PHF12: variants seen among roughly 807,000 people sequenced by gnomAD.
PHF12 encodes the protein PHD factor 1.
A neutral mutation model predicts 99.8 loss-of-function variants in PHF12; 6 were observed. The observed-to-expected ratio is 0.06, with a 90% CI of 0.03 to 0.12. The LOEUF (loss-of-function observed/expected upper bound fraction) is 0.12, where lower values mean the gene tolerates loss of function less well. Ranked by LOEUF, PHF12 falls within the 10% of genes least tolerant of loss-of-function variation. The probability of loss-of-function intolerance (pLI) is 1.00; values close to 1 mark genes in which losing one functional copy is unlikely to be tolerated. For synonymous variants in PHF12, 480 were observed against 514.9 expected (o/e 0.93, Z 0.92); for missense variants, 954 against 1,300.1 (o/e 0.73, Z 4.09).
intron 2 of PHF12, among the ~76,000 whole-genome samples, chr17:28,943,051 A>G (rs1008708544): frequency 6.6e-6 from 1 of 152,172 alleles, no homozygotes; most frequent in South Asian, 2.1e-4. Context: ...CAATAACCAC[A>G]TGAAAAAAAG....
In PHF12 at chr17:28,927,093, A is replaced by C. The variant is rs766772973; in HGVS notation, c.249-30T>G. The C allele has an allele frequency of 3.8e-6, 6 of 1,587,794 alleles. No homozygotes were observed. In the South Asian group the frequency reaches 6.6e-5, roughly 18 times the overall value. ...GGGGAACAGACAAGGGCAAGACTAA[A>C]TAACTAGCCCTTTGAGGCAGTAGGA... On this transcript the variant is annotated intron_variant, in intron 2 of 14. Coordinates refer to ENST00000332830, the MANE Select transcript of PHF12 (RefSeq NM_001033561.2).
intron 7 of PHF12, among the ~76,000 whole-genome samples, chr17:28,914,767 T>C (rs2040033755): frequency 6.7e-6 from 1 of 150,098 alleles, no homozygotes; most frequent in Non-Finnish European, 1.5e-5. Context: ...CATCCATTCA[T>C]TCATGACTCA....
rs35263191 is a variant in PHF12 at position 28,923,653 on chromosome 17, C to CAAAAAAAAA, written c.715+247_715+255dup. Reference sequence around the variant, plus strand: ...AGCCTGAGTGACAAAGTGAGACTCACAAAAAAAAAAAAAAAAAAAAAAGGA... The same window carrying CAAAAAAAAA: ...AGCCTGAGTGACAAAGTGAGACTCACAAAAAAAAAAAAAAAAAAAAAAAAAAAAAAAGGA... On this transcript the variant is annotated intron_variant, in intron 4 of 14. Coordinates refer to ENST00000332830, the MANE Select transcript of PHF12 (RefSeq NM_001033561.2). Among the ~76,000 whole-genome samples the CAAAAAAAAA allele has an allele frequency of 1.2e-3, 50 of 43,478 alleles. 4 individuals carry two copies. Among genetic ancestry groups the CAAAAAAAAA allele is most frequent in the African/African-American group, 3.5e-3 (36 of 10,376 alleles). The allele number at this position is 43,478 out of a possible 152,430, so 28.5% of individuals were successfully genotyped here. A position where few individuals can be genotyped will look rare whatever the true frequency, so the allele number is the denominator to read the frequency against.
intron 2 of PHF12, among the ~76,000 whole-genome samples, chr17:28,942,294 C>T (rs990111928): frequency 2.6e-5 from 4 of 151,992 alleles, no homozygotes; most frequent in Non-Finnish European, 4.4e-5. Context: ...GCAGGAGGAT[C>T]GGTTGAGGCC....
At position 28,950,905 on chromosome 17, in the gene PHF12, C is replaced by G. The variant is rs982879830; in HGVS notation, c.56G>C (p.Gly19Ala). The G allele has an allele frequency of 6.2e-7, 1 of 1,613,452 alleles. No homozygotes were observed. The highest frequency in any genetic ancestry group is 8.5e-7 in the Non-Finnish European group (1 of 1,179,726). ...GAGGGCCACTCTTACCTCCATCAGC[C>G]CCCCTGATGTGTCCAAGTCGTACAC... ...TIVYDLDTSG[G>A]LMEQIQALLA... Residue 19 changes from glycine to alanine, a missense_variant, in exon 1 of 15, where the codon GGG (glycine) becomes GCG (alanine). Around this residue, in one of 8 missense-constraint regions of PHF12, gnomAD observed 66 missense variants for 69.4 expected, o/e 0.95. Transcript: ENST00000332830. This position sits in a 1 kb window ranked among gnomAD's most constrained non-coding sequence, Gnocchi z 5.7.
chr17:28,908,153 T>A (rs555365501), intron 12 of PHF12: 1 of 163,082 alleles, frequency 6.1e-6, no homozygotes, highest in African/African-American at 2.4e-5. Flanking sequence ...TGTGAGTCTA[T>A]CACTCTTTCA....
At chr17:28,933,813 T>A (rs1051464995) in intron 2 of PHF12, among the ~76,000 whole-genome samples, 2 of 152,076 alleles carry the variant, frequency 1.3e-5, no homozygotes, top group African/African-American at 2.4e-5. Flanking sequence ...TTTGGGAGGC[T>A]AAGGTGGGAG....
rs773044280 is a variant in PHF12 at position 28,906,202 on chromosome 17, C to G, written c.2996G>C (p.Arg999Pro). ...SLKPHQGPVL[R>P]SNSVP ...CCAGTCCTAAGGAACAGAGTTGGAGCGCAGCACAGGGCCCTGGTGGGGCTT... is the reference window on the plus strand; with the variant it reads ...CCAGTCCTAAGGAACAGAGTTGGAGGGCAGCACAGGGCCCTGGTGGGGCTT... The change falls in exon 15 of 15, where the codon CGC becomes CCC. Residue 999 changes from arginine (R) to proline (P), a missense_variant. Coordinates refer to ENST00000332830, the MANE Select transcript of PHF12 (RefSeq NM_001033561.2). This position sits in a 1 kb window ranked among gnomAD's most constrained non-coding sequence, Gnocchi z 4.2. 2 of 1,598,996 alleles carry G rather than the reference C, an allele frequency of 1.3e-6. No homozygotes were observed. The highest frequency in any genetic ancestry group is 3.4e-5 in the Admixed American group (2 of 59,528).
rs557687924 is a variant in PHF12 at position 28,934,686 on chromosome 17, C to CTGT, written c.249-7624_249-7623insACA. On this transcript the variant is annotated intron_variant, in intron 2 of 14. Transcript: ENST00000332830. ...AGCGCAATGGTGCGATCTCTGCTCA[C>CTGT]TGCAACCTCTGCCTCCCGAGTTCAA... is the stretch of plus-strand genomic sequence containing the variant. Among the ~76,000 whole-genome samples, 22 of 149,980 alleles carry CTGT rather than the reference C, an allele frequency of 1.5e-4. No individual in the cohort carries two copies. In the South Asian group the frequency reaches 4.6e-3, roughly 32 times the overall value.
At chr17:28,939,436 T>A (rs2040572434) in intron 2 of PHF12, among the ~76,000 whole-genome samples, 1 of 152,230 alleles carries the variant, frequency 6.6e-6, no homozygotes, top group South Asian at 2.1e-4. Flanking sequence ...ATTTTCACAA[T>A]TATAATGTAT....
chr17:28,906,531 G>T lies in PHF12; in HGVS notation c.2681-14C>A. On this transcript the variant is annotated splice_polypyrimidine_tract_variant and intron_variant, in intron 14 of 14. Coordinates refer to ENST00000332830, the MANE Select transcript of PHF12 (RefSeq NM_001033561.2). The surrounding 1 kb of genome is among the most constrained non-coding windows in gnomAD (Gnocchi z 4.2). ...GCCGGCGGCGCCCTGGGAAAAAGGGGGATGGTCACAGAAGAGGAACAGTGA... is the reference window on the plus strand; with the variant it reads ...GCCGGCGGCGCCCTGGGAAAAAGGGTGATGGTCACAGAAGAGGAACAGTGA... 1 of 1,587,346 alleles carries T rather than the reference G, an allele frequency of 6.3e-7. No individual in the cohort carries two copies. The highest frequency in any genetic ancestry group is 8.6e-7 in the Non-Finnish European group (1 of 1,162,792).
At position 28,951,472 on chromosome 17, in the gene PHF12, G is replaced by C; in HGVS notation, c.-512C>G. ...CGCACTTGGCGCAAACTTACCGCGA[G>C]CGCCCGCAAAGCCACCCGCGCAGGC... On this transcript the variant is annotated 5_prime_UTR_variant, in exon 1 of 15. Transcript: ENST00000332830. 13 of 985,574 alleles carry C rather than the reference G, an allele frequency of 1.3e-5. No individual in the cohort carries two copies. Among genetic ancestry groups the C allele is most frequent in the Non-Finnish European group, 1.6e-5 (13 of 830,010 alleles). 61.1% of individuals were successfully genotyped at this position (985,574 alleles called of 1,614,324 possible).
intron 3 of PHF12, chr17:28,925,327 G>C (rs1380929395): frequency 1.3e-5 from 2 of 152,192 alleles, no homozygotes; most frequent in Non-Finnish European, 2.9e-5. Flanking sequence ...AGATAAAAAG[G>C]GTCATATATA....
At chr17:28,914,620 C>T (rs1300035739) in intron 7 of PHF12, among the ~76,000 whole-genome samples, 8 of 128,236 alleles carry the variant, frequency 6.2e-5, no homozygotes, top group South Asian at 2.5e-4. Flanking sequence ...TGCAGTGAAC[C>T]GAGATAGGGC....
rs2040766955 is a variant in PHF12, at chr17:28,949,262, G to C, written c.248+803C>G. Among the ~76,000 whole-genome samples, 1 of 152,194 alleles carries C rather than the reference G, an allele frequency of 6.6e-6. No individual in the cohort carries two copies. Among genetic ancestry groups the C allele is most frequent in the African/African-American group, 2.4e-5 (1 of 41,450 alleles). ...TCGGCGCCCAAGGGCAATTTTAATT[G>C]TCTAACCCGGCCCGATTTCCTAAGA... is the stretch of plus-strand genomic sequence containing the variant. On this transcript the variant is annotated intron_variant, in intron 2 of 14. Coordinates refer to ENST00000332830, the MANE Select transcript of PHF12 (RefSeq NM_001033561.2). The surrounding 1 kb of genome is among the most constrained non-coding windows in gnomAD (Gnocchi z 4.6).
At chr17:28,947,782 A>T (rs1291345336) in intron 2 of PHF12, among the ~76,000 whole-genome samples, 1 of 152,216 alleles carries the variant, frequency 6.6e-6, no homozygotes, top group Non-Finnish European at 1.5e-5. Context: ...AGTCAATGGT[A>T]CATTCAGTAT....
chr17:28,935,140 C>A lies in PHF12; in HGVS notation c.249-8077G>T, dbSNP rs544319656. 2.0e-5 allele frequency among the ~76,000 whole-genome samples: 3 copies of A among 152,360 alleles called. No homozygotes were observed. The East Asian group carries it at 5.8e-4, about 29-fold the overall frequency. On this transcript the variant is annotated intron_variant, in intron 2 of 14. Coordinates refer to ENST00000332830, the MANE Select transcript of PHF12 (RefSeq NM_001033561.2). ...GTGCCCTATGAAGACAGAGCTCTTG[C>A]AGAGTATCTTCCCATTTTCACTGCT... is the stretch of plus-strand genomic sequence containing the variant.
rs1248134701 is a variant in PHF12, at chr17:28,951,123, C to T, written c.-163G>A. 10 of 1,442,670 alleles carry T rather than the reference C, an allele frequency of 6.9e-6. No individual in the cohort carries two copies. In the East Asian group the frequency reaches 7.6e-5, roughly 11 times the overall value. 89.4% of individuals were successfully genotyped at this position (1,442,670 alleles called of 1,614,324 possible). ...TCCCCCCCACCCCCCGGCCCCCAGT[C>T]CCCGGGACGACAGCGTCCTCCCGAC... On this transcript the variant is annotated 5_prime_UTR_variant, in exon 1 of 15. Transcript: ENST00000332830.
At chr17:28,913,373 T>C in intron 8 of PHF12, 96 bp from the exon 9 acceptor site, 1 of 1,501,742 alleles carries the variant, frequency 6.7e-7, no homozygotes, top group Non-Finnish European at 8.8e-7. Context: ...TGACAAGCAG[T>C]TTCCGAGGTC....
Sources: gnomAD v4.1 joint callset for allele counts (sites outside exome capture counted in the v4.1 genomes callset) on GRCh38, gnomAD v4.1.1 for gene constraint, gnomAD v4.1.1 regional missense constraint, Gnocchi (gnomAD v3.1) non-coding constraint, MANE v1.5 for transcripts, NCBI Gene and HGNC (gene_info 2026-07-23, HGNC 2026-07-21) for gene names.